LAMC3: variants seen among roughly 807,000 people sequenced by gnomAD.
LAMC3 encodes the protein laminin subunit gamma-3.
LAMC3 carries 128 observed loss-of-function variants against 173.8 expected under a neutral mutation model. The observed-to-expected ratio is 0.74, with a 90% CI of 0.64 to 0.85. The LOEUF is 0.85. LAMC3 is among the 40% of genes least tolerant of loss of function. The pLI is 0.00. For missense variants in LAMC3, 2,022 were observed against 2,156.0 expected (o/e 0.94, Z 1.23); for synonymous variants, 897 against 909.1 (o/e 0.99, Z 0.24).
intron 16 of LAMC3, 146 bp downstream of exon 16, chr9:131,069,196 C>A: frequency 1.1e-6 from 1 of 935,838 alleles, no homozygotes; most frequent in Non-Finnish European, 1.6e-6. Flanking sequence ...AAGCATGGAG[C>A]GAGTTGCTCC....
intron 1 of LAMC3, among the ~76,000 whole-genome samples, chr9:131,020,732 G>GC (rs1324063875): frequency 2.6e-5 from 4 of 152,222 alleles, no homozygotes; most frequent in Non-Finnish European, 5.9e-5. Flanking sequence ...CAGAGAATGA[G>GC]CTAGTGATCT....
chr9:131,039,091 C>A (rs2133254390), intron 5 of LAMC3, 39 bp downstream of exon 5: 1 of 1,612,288 alleles, frequency 6.2e-7, no homozygotes, highest in Non-Finnish European at 8.5e-7. Flanking sequence ...GACCCTCTCC[C>A]TTTCCTGGCC....
At chr9:131,070,643 G>A (rs752723262) in intron 17 of LAMC3, among the ~76,000 whole-genome samples, 17 of 152,198 alleles carry the variant, frequency 1.1e-4, no homozygotes, top group Non-Finnish European at 2.1e-4. Flanking sequence ...CCCAGGAGGC[G>A]GAGGTCGCAG....
At position 131,026,522 on chromosome 9, in the gene LAMC3, A is replaced by G. The variant is rs1046607732; in HGVS notation, c.611A>G (p.Asn204Ser). Residue 204 changes from asparagine to serine, a missense_variant, in exon 2 of 28, where the codon AAC becomes AGC. By Grantham distance (46) the Asn-to-Ser change is conservative. Transcript: ENST00000361069. The surrounding 1 kb of genome is among the most constrained non-coding windows in gnomAD (Gnocchi z 4.8). The part of the protein sequence containing the change: ...FSDISPLSGG[N>S]VAFSTLEGRP... ...GACATCTCCCCGCTGAGTGGCGGCA[A>G]CGTGGCCTTCTCCACCCTGGAGGGC... The G allele has an allele frequency of 6.2e-7, 1 of 1,612,082 alleles. No homozygotes were observed. The highest frequency in any genetic ancestry group is 1.3e-5 in the African/African-American group (1 of 74,908).
At chr9:131,036,404 A>G (rs1833946361) in intron 4 of LAMC3, 72 bp downstream of exon 4, 1 of 1,559,408 alleles carries the variant, frequency 6.4e-7, no homozygotes. Context: ...GAACTCCCCA[A>G]AACGTCGTGG....
At chr9:131,090,889 C>G (rs2002354) in intron 27 of LAMC3, among the ~76,000 whole-genome samples, 40,081 of 151,994 alleles carry the variant, frequency 0.26, 5,627 homozygotes, top group Non-Finnish European at 0.32. Context: ...ATTAGCGGAG[C>G]ATGGTGGCAG....
At chr9:131,045,758 T>A in intron 8 of LAMC3, 98 bp downstream of exon 8, 1 of 1,458,976 alleles carries the variant, frequency 6.9e-7, no homozygotes, top group Non-Finnish European at 9.5e-7. Context: ...GATCTCCCAT[T>A]GTGGAGAGGA....
At chr9:131,046,609 C>A (rs1834167333) in intron 8 of LAMC3, among the ~76,000 whole-genome samples, 1 of 147,418 alleles carries the variant, frequency 6.8e-6, no homozygotes, top group Non-Finnish European at 1.5e-5. Context: ...GGCAATCCCG[C>A]CCACCTCGGC....
At chr9:131,032,856 T>C (rs767881333) in intron 3 of LAMC3, among the ~76,000 whole-genome samples, 159 of 152,078 alleles carry the variant, frequency 1.0e-3, no homozygotes, top group Admixed American at 3.4e-3. Context: ...TTAGTAGAGA[T>C]GGGGTTTCTC....
At position 131,009,264 on chromosome 9, in the gene LAMC3, C is replaced by T; in HGVS notation, c.50C>T (p.Ala17Val). 7.7e-7 allele frequency: 1 copy of T among 1,302,908 alleles called. No individual in the cohort carries two copies. Among genetic ancestry groups the T allele is most frequent in the Non-Finnish European group, 9.7e-7 (1 of 1,031,020 alleles). The allele number at this position is 1,302,908 out of a possible 1,614,324, so 80.7% of individuals were successfully genotyped here. ...LLGLALLAPR[A>V]AGAGMGACYD... ...GGGCTGGCGCTGCTGGCACCGCGGGCGGCCGGCGCGGGCATGGGCGCGTGC... is the reference window on the plus strand; with the variant it reads ...GGGCTGGCGCTGCTGGCACCGCGGGTGGCCGGCGCGGGCATGGGCGCGTGC... The change falls in exon 1 of 28, where the codon GCG becomes GTG. Residue 17 changes from alanine to valine, a missense_variant. Physicochemically the swap from Ala to Val is moderately conservative, Grantham distance 64. Coordinates refer to ENST00000361069, the MANE Select transcript of LAMC3 (RefSeq NM_006059.4). This position sits in a 1 kb window ranked among gnomAD's most constrained non-coding sequence, Gnocchi z 4.3.
chr9:131,067,056 A>G lies in LAMC3; in HGVS notation c.2444A>G (p.Asn815Ser), dbSNP rs2133312401. The change falls in exon 14 of 28, where the codon AAC (asparagine) becomes AGC (serine). Residue 815 changes from asparagine to serine, a missense_variant. Transcript: ENST00000361069. The part of the protein sequence containing the change: ...QPCHQCQCSG[N>S]VDPNAVGNCD... The stretch of plus-strand genomic sequence containing the variant: ...TGCCACCAGTGCCAGTGTAGCGGGA[A>G]CGTGGACCCCAATGCCGTGGGCAAC... The G allele has an allele frequency of 1.2e-6, 2 of 1,614,106 alleles. No individual in the cohort carries two copies. Among genetic ancestry groups the G allele is most frequent in the Non-Finnish European group, 1.7e-6 (2 of 1,180,004 alleles).
At chr9:131,061,764 A>G (rs945949754) in intron 13 of LAMC3, among the ~76,000 whole-genome samples, 1 of 152,166 alleles carries the variant, frequency 6.6e-6, no homozygotes, top group Admixed American at 6.5e-5. Flanking sequence ...AACGCATACA[A>G]TTCGGCTGGG....
At position 131,079,038 on chromosome 9, in the gene LAMC3, A is replaced by G. The variant is rs1588167907; in HGVS notation, c.3778-111A>G. 5.1e-6 allele frequency: 7 copies of G among 1,372,506 alleles called. No individual in the cohort carries two copies. The East Asian group carries it at 1.7e-4, about 34-fold the overall frequency. 85.0% of individuals were successfully genotyped at this position (1,372,506 alleles called of 1,614,324 possible). A position where few individuals can be genotyped will look rare whatever the true frequency, so the allele number is the denominator to read the frequency against. ...CAGGGGGCTTGGGTTCTTGGCTGGCAGCCAGGGGCAGACCCGCCGCCTCAG... is the reference window on the plus strand; with the variant it reads ...CAGGGGGCTTGGGTTCTTGGCTGGCGGCCAGGGGCAGACCCGCCGCCTCAG... On this transcript the variant is annotated intron_variant, in intron 22 of 27. Transcript: ENST00000361069.
rs372531644 is a variant in LAMC3, at chr9:131,067,185, G to C, written c.2573G>C (p.Arg858Pro). The C allele has an allele frequency of 1.2e-6, 2 of 1,613,888 alleles. No homozygotes were observed. The highest frequency in any genetic ancestry group is 2.2e-5 in the South Asian group (2 of 91,066). The change falls in exon 14 of 28, where the codon CGA (arginine) becomes CCA (proline). Residue 858 changes from arginine (R) to proline (P), a missense_variant. Transcript: ENST00000361069. ...TTCTACGGGAGCGCCCTGGCCCCTC[G>C]ACCCGCAGACAAATGCATGCGTGAG... is the stretch of plus-strand genomic sequence containing the variant. ...EGFYGSALAP[R>P]PADKCMPCSC...
At chr9:131,064,079 T>G (rs1182938417) in intron 13 of LAMC3, among the ~76,000 whole-genome samples, 1 of 152,086 alleles carries the variant, frequency 6.6e-6, no homozygotes, top group Non-Finnish European at 1.5e-5. Context: ...GGCTAATGTT[T>G]GTATTTTTAG....
At chr9:131,036,687 C>T (rs1833951276) in intron 4 of LAMC3, among the ~76,000 whole-genome samples, 1 of 152,186 alleles carries the variant, frequency 6.6e-6, no homozygotes, top group African/African-American at 2.4e-5. Flanking sequence ...GTGCTGATGG[C>T]CCACCCAGCC....
intron 6 of LAMC3, among the ~76,000 whole-genome samples, chr9:131,039,566 C>T (rs1271147867): frequency 6.6e-6 from 1 of 151,750 alleles, no homozygotes; most frequent in African/African-American, 2.4e-5. Flanking sequence ...CACGGGAGGC[C>T]TCTGGAGGAG....
At chr9:131,071,198 C>T (rs904012277) in intron 17 of LAMC3, among the ~76,000 whole-genome samples, 3 of 152,218 alleles carry the variant, frequency 2.0e-5, no homozygotes, top group Admixed American at 6.5e-5. Context: ...CAGAAATCCT[C>T]GTGGGGCATC....
At chr9:131,021,526 C>G (rs937179633) in intron 1 of LAMC3, among the ~76,000 whole-genome samples, 1 of 151,818 alleles carries the variant, frequency 6.6e-6, no homozygotes, top group Non-Finnish European at 1.5e-5. Context: ...TTCCTCTGCT[C>G]TCAGACGACA....
Sources: allele counts gnomAD v4.1 joint callset (sites outside exome capture counted in the v4.1 genomes callset), GRCh38; gene constraint gnomAD v4.1.1; non-coding constraint Gnocchi (gnomAD v3.1); transcripts MANE v1.5; gene names NCBI Gene and HGNC (gene_info 2026-07-23, HGNC 2026-07-21).